Variants in TMEM19 observed in about 807,000 individuals in gnomAD.
The protein encoded by TMEM19 is transmembrane protein 19.
In TMEM19, 21 loss-of-function variants were observed where a neutral mutation model predicts 33.6. That is an observed-to-expected ratio of 0.62 (90% CI 0.44 to 0.90). TMEM19 has a LOEUF of 0.90. TMEM19 is among the 40% of genes least tolerant of loss of function. The probability of loss-of-function intolerance (pLI) is 0.00; values close to 1 mark genes in which losing one functional copy is unlikely to be tolerated. For synonymous variants in TMEM19, 149 were observed against 147.5 expected (o/e 1.01, Z -0.07); for missense variants, 402 against 401.8 (o/e 1.00, Z 0.00).
chr12:71,697,327 A>G lies in TMEM19; in HGVS notation c.430A>G (p.Thr144Ala). The G allele has an allele frequency of 6.2e-7, 1 of 1,609,274 alleles. No individual in the cohort carries two copies. The highest frequency in any genetic ancestry group is 8.5e-7 in the Non-Finnish European group (1 of 1,178,404). The change falls in exon 4 of 6, where the codon ACA (threonine) becomes GCA (alanine). Residue 144 changes from threonine (T) to alanine (A), a missense_variant. By Grantham distance (58) the Thr-to-Ala change is moderately conservative. Transcript: ENST00000266673. ...GGTGTTCTGTAATGGAGCTGTACCC[A>G]CAGAACTGGCCCTGCTGTACATGAT... ...VQVFCNGAVP[T>A]ELALLYMIEN...
At chr12:71,690,236 C>T (rs2137592493) in intron 2 of TMEM19, 1 of 152,794 alleles carries the variant, frequency 6.5e-6, no homozygotes, top group African/African-American at 2.4e-5. Flanking sequence ...TCACTGCAAC[C>T]TCCTCCTCCT....
intron 2 of TMEM19, among the ~76,000 whole-genome samples, chr12:71,692,863 AT>A (rs1288100319): frequency 6.6e-6 from 1 of 151,962 alleles, no homozygotes. Context: ...TAATTATTTC[AT>A]TCTATGAACT....
Position 71,696,780 on chromosome 12 carries a change from G to A in TMEM19, c.382+207G>A, listed in dbSNP as rs768726397. ...TCCTGGCTCAGCTTCCTGAGTAGCT[G>A]GGACTACAGGCGCCTGCAACCATGC... On this transcript the variant is annotated intron_variant, in intron 3 of 5. Transcript: ENST00000266673. 5.6e-4 allele frequency among the ~76,000 whole-genome samples: 85 copies of A among 151,988 alleles called. 1 individual carries two copies. The highest frequency in any genetic ancestry group is 1.8e-3 in the Admixed American group (28 of 15,274).
chr12:71,689,554 T>A (rs1881749021), intron 1 of TMEM19, 37 bp from the exon 2 acceptor site: 1 of 1,559,606 alleles, frequency 6.4e-7, no homozygotes, highest in African/African-American at 1.4e-5. Flanking sequence ...CTGTGCAAAC[T>A]TCACACAATT....
rs777139847 is a variant in TMEM19 at position 71,697,344 on chromosome 12, G to GTAC, written c.448_450dup (p.Tyr150dup). The GTAC allele has an allele frequency of 2.5e-6, 4 of 1,612,192 alleles. No individual in the cohort carries two copies. The highest frequency in any genetic ancestry group is 3.4e-6 in the Non-Finnish European group (4 of 1,179,354). ...CTGTACCCACAGAACTGGCCCTGCTGTACATGATAGAAAATGGCCCCGGGG... is the reference window on the plus strand; with the variant it reads ...CTGTACCCACAGAACTGGCCCTGCTGTACTACATGATAGAAAATGGCCCCGGGG... On this transcript the variant is annotated inframe_insertion, in exon 4 of 6. Coordinates refer to ENST00000266673, the MANE Select transcript of TMEM19 (RefSeq NM_018279.4).
chr12:71,692,241 C>T (rs1041801767), intron 2 of TMEM19, among the ~76,000 whole-genome samples: 1 of 152,168 alleles, frequency 6.6e-6, no homozygotes. Flanking sequence ...TTCTTTCTTT[C>T]TCCGTACCTC....
At chr12:71,700,202 A>G (rs1274429183) in intron 5 of TMEM19, among the ~76,000 whole-genome samples, 1 of 152,242 alleles carries the variant, frequency 6.6e-6, no homozygotes, top group Non-Finnish European at 1.5e-5. Context: ...TAAAGGGTCA[A>G]TAACTCTACA....
rs1881932907 is a variant in TMEM19, at chr12:71,699,126, A to T, written c.847+17A>T. 6.2e-7 allele frequency: 1 copy of T among 1,612,286 alleles called. No individual in the cohort carries two copies. Among genetic ancestry groups the T allele is most frequent in the African/African-American group, 1.3e-5 (1 of 74,878 alleles). On this transcript the variant is annotated intron_variant, in intron 5 of 5. Coordinates refer to ENST00000266673, the MANE Select transcript of TMEM19 (RefSeq NM_018279.4). ...AGTATACTGGTAAGAACATTCCTTC[A>T]TTCTTGCAACTTATTGGTATGTTAA...
At chr12:71,690,556 G>A (rs1197613013) in intron 2 of TMEM19, 2 of 152,140 alleles carry the variant, frequency 1.3e-5, no homozygotes, top group Non-Finnish European at 2.9e-5. Flanking sequence ...AGTTCTCATG[G>A]AACTTATATT....
chr12:71,696,505 T>C lies in TMEM19; in HGVS notation c.314T>C (p.Leu105Ser), dbSNP rs1217589298. The change falls in exon 3 of 6, where the codon TTG (leucine) becomes TCG (serine). Residue 105 changes from leucine (L) to serine (S), a missense_variant. Coordinates refer to ENST00000266673, the MANE Select transcript of TMEM19 (RefSeq NM_018279.4). Reference protein sequence around the residue: ...SFFTSLLMFFLSSSKLTKWKG... With the variant: ...SFFTSLLMFFSSSSKLTKWKG... Reference sequence around the variant, plus strand: ...TTTACCTCTTTGCTGATGTTTTTCTTGTCTTCTTCGAAACTCACTAAATGG... The same window carrying C: ...TTTACCTCTTTGCTGATGTTTTTCTCGTCTTCTTCGAAACTCACTAAATGG... The C allele has an allele frequency of 3.1e-6, 5 of 1,613,124 alleles. No homozygotes were observed. The highest frequency in any genetic ancestry group is 3.3e-4 in the Middle Eastern group (2 of 6,054).
At position 71,686,153 on chromosome 12, in the gene TMEM19, C is replaced by G. The variant is rs2137589149; in HGVS notation, c.-528C>G. 6.3e-6 allele frequency: 1 copy of G among 158,494 alleles called. No homozygotes were observed. Among genetic ancestry groups the G allele is most frequent in the African/African-American group, 2.4e-5 (1 of 41,616 alleles). 9.8% of individuals were successfully genotyped at this position (158,494 alleles called of 1,614,324 possible). ...CGGGCTTTGCTCCTGGGGTCTCGGC[C>G]TTGGCCGGCTGGACCTGACCCTAGG... On this transcript the variant is annotated 5_prime_UTR_variant, in exon 1 of 6. Transcript: ENST00000266673.
In TMEM19 at chr12:71,700,869, A is replaced by G; in HGVS notation, c.885A>G (p.Pro295=). 6.2e-7 allele frequency: 1 copy of G among 1,611,914 alleles called. No individual in the cohort carries two copies. The highest frequency in any genetic ancestry group is 2.2e-5 in the East Asian group (1 of 44,738). Residue 295 remains proline, a synonymous_variant, in exon 6 of 6, where the codon CCA becomes CCG. Transcript: ENST00000266673. ...GCACTGGCATGGTGGTCAACAGCCC[A>G]ACAAATAAGGCAAGGCACATAGCAG... The part of the protein sequence containing the change: ...DESTGMVVNS[P]TNKARHIAGK...
chr12:71,688,665 G>A (rs1340413982), intron 1 of TMEM19, among the ~76,000 whole-genome samples: 1 of 152,226 alleles, frequency 6.6e-6, no homozygotes, highest in Non-Finnish European at 1.5e-5. Flanking sequence ...GCCACGGCCT[G>A]TTTAAAGGAG....
At chr12:71,694,926 A>G (rs1881845029) in intron 2 of TMEM19, among the ~76,000 whole-genome samples, 1 of 152,192 alleles carries the variant, frequency 6.6e-6, no homozygotes, top group South Asian at 2.1e-4. Context: ...TCCCATTGTC[A>G]GAAATTTGTA....
intron 2 of TMEM19, among the ~76,000 whole-genome samples, chr12:71,694,964 T>C (rs1056741497): frequency 1.3e-5 from 2 of 152,240 alleles, no homozygotes; most frequent in African/African-American, 4.8e-5. Flanking sequence ...CCCCCAATGC[T>C]ATCTGTTAGG....
chr12:71,698,563 A>AG (rs1254443600), intron 4 of TMEM19, among the ~76,000 whole-genome samples: 4 of 149,678 alleles, frequency 2.7e-5, no homozygotes, highest in African/African-American at 9.8e-5. Flanking sequence ...TGATCACACC[A>AG]TTGTACTCTA....
At chr12:71,698,610 AGAG>A (rs1423847074) in intron 4 of TMEM19, among the ~76,000 whole-genome samples, 798 of 47,608 alleles carry the variant, frequency 0.017, 17 homozygotes, top group Admixed American at 0.033. Flanking sequence ...CTCTGAAAAG[AGAG>A]AGAGAGAGAG....
At chr12:71,692,876 TTTATC>T (rs1409771137) in intron 2 of TMEM19, among the ~76,000 whole-genome samples, 3 of 152,008 alleles carry the variant, frequency 2.0e-5, no homozygotes, top group Non-Finnish European at 4.4e-5. Flanking sequence ...CTATGAACTG[TTTATC>T]TTTTCTTCTT....
chr12:71,686,807 T>C lies in TMEM19; in HGVS notation c.127T>C (p.Tyr43His). ...TATATCAATGACTGCAAGCACCTAT[T>C]ATGGTAAGTCTGAGTGTTCTAAGTT... ...WIISMTASTY[Y>H]GNLRPISPWR... Residue 43 changes from tyrosine (Y) to histidine (H), a missense_variant, in exon 1 of 6, where the codon TAT (tyrosine) becomes CAT (histidine). Transcript: ENST00000266673. 11 of 1,607,644 alleles carry C rather than the reference T, an allele frequency of 6.8e-6. No homozygotes were observed. Among genetic ancestry groups the C allele is most frequent in the Non-Finnish European group, 9.3e-6 (11 of 1,177,732 alleles).
Sources: allele counts gnomAD v4.1 joint callset (sites outside exome capture counted in the v4.1 genomes callset), GRCh38; gene constraint gnomAD v4.1.1; transcripts MANE v1.5; gene names NCBI Gene and HGNC (gene_info 2026-07-23, HGNC 2026-07-21).